PLCL2: variants seen among roughly 807,000 people sequenced by gnomAD.
The protein encoded by PLCL2 is inactive phospholipase C-like protein 2.
In PLCL2, 4 loss-of-function variants were observed where a neutral mutation model predicts 79.6. The observed-to-expected ratio is 0.05, with a 90% CI of 0.02 to 0.11. The LOEUF is 0.11. Among genes scored for constraint, PLCL2 ranks in the 10% least tolerant of loss-of-function variants. PLCL2 has a pLI of 1.00. For missense variants in PLCL2, 895 were observed against 1,291.0 expected (o/e 0.69, Z 4.70); for synonymous variants, 484 against 457.7 (o/e 1.06, Z -0.73).
intron 1 of PLCL2, among the ~76,000 whole-genome samples, chr3:16,955,666 A>G (rs1286252946): frequency 3.3e-5 from 5 of 152,090 alleles, no homozygotes. Context: ...ATGAGCATGG[A>G]ATGTTCTTCC....
chr3:16,932,776 T>C (rs1049616442), intron 1 of PLCL2, among the ~76,000 whole-genome samples: 2 of 152,194 alleles, frequency 1.3e-5, no homozygotes, highest in East Asian at 1.9e-4. Context: ...TTACAACTTA[T>C]TAGTTGTAGA....
intron 1 of PLCL2, among the ~76,000 whole-genome samples, chr3:16,916,857 C>G (rs1057513904): frequency 6.6e-6 from 1 of 152,082 alleles, no homozygotes; most frequent in Non-Finnish European, 1.5e-5. Context: ...TCTTTGGCTT[C>G]CTTCTCTCTT....
chr3:16,981,874 C>T (rs964055770), intron 1 of PLCL2, among the ~76,000 whole-genome samples: 1 of 152,196 alleles, frequency 6.6e-6, no homozygotes, highest in Non-Finnish European at 1.5e-5. Context: ...CTGACTATTG[C>T]TGTTTATTCA....
intron 1 of PLCL2, among the ~76,000 whole-genome samples, chr3:16,933,831 GC>G (rs1312678664): frequency 1.3e-5 from 2 of 152,084 alleles, no homozygotes; most frequent in African/African-American, 4.8e-5. Flanking sequence ...TCTCTTGGAG[GC>G]TGAGGGGGGC....
intron 1 of PLCL2, among the ~76,000 whole-genome samples, chr3:16,981,016 A>G (rs144374421): frequency 0.029 from 4,345 of 152,336 alleles, 228 homozygotes; most frequent in African/African-American, 0.1. Context: ...CGCGCCTGCA[A>G]TCGCAGGCAC....
In PLCL2 at chr3:16,887,413, A is replaced by G. The variant is rs1161364762; in HGVS notation, c.327+2047A>G. The stretch of plus-strand genomic sequence containing the variant: ...TTATAAAACAATTGGTTTTGGATTT[A>G]CCAGTCCCATATTTTGTTCATTGTA... On this transcript the variant is annotated intron_variant, in intron 1 of 5. Transcript: ENST00000615277. The surrounding 1 kb of genome is among the most constrained non-coding windows in gnomAD (Gnocchi z 4.1). Among the ~76,000 whole-genome samples, 4 of 152,206 alleles carry G rather than the reference A, an allele frequency of 2.6e-5. No homozygotes were observed. The highest frequency in any genetic ancestry group is 9.6e-5 in the African/African-American group (4 of 41,458).
rs569322469 is a variant in PLCL2 at position 17,039,047 on chromosome 3, C to T, written c.3019-3827C>T. ...ACTAACCTCATAATTACTCACCTCA[C>T]ATGGATAATGTGATCAGTAAATAAA... On this transcript the variant is annotated intron_variant, in intron 3 of 5. Coordinates refer to ENST00000615277, the MANE Select transcript of PLCL2 (RefSeq NM_001144382.2). Among the ~76,000 whole-genome samples, 63 of 152,338 alleles carry T rather than the reference C, an allele frequency of 4.1e-4. 1 individual carries two copies. The South Asian group carries it at 0.012, about 29-fold the overall frequency.
chr3:17,054,940 C>T lies in PLCL2; in HGVS notation c.3094+11991C>T, dbSNP rs182672892. Among the ~76,000 whole-genome samples the T allele has an allele frequency of 2.6e-5, 4 of 152,268 alleles. No individual in the cohort carries two copies. In the East Asian group the frequency reaches 5.8e-4, roughly 22 times the overall value. On this transcript the variant is annotated intron_variant, in intron 4 of 5. Coordinates refer to ENST00000615277, the MANE Select transcript of PLCL2 (RefSeq NM_001144382.2). ...ACTTGACCCTCTCTGCCTCATTTTCCTTCTTCTAAGTGGCAGTGGATTATG... is the reference window on the plus strand; with the variant it reads ...ACTTGACCCTCTCTGCCTCATTTTCTTTCTTCTAAGTGGCAGTGGATTATG...
At chr3:16,980,107 C>G (rs1238325243) in intron 1 of PLCL2, among the ~76,000 whole-genome samples, 1 of 15,508 alleles carries the variant, frequency 6.4e-5, no homozygotes. Flanking sequence ...GACCACCCCA[C>G]CTCCCTCCCG....
chr3:17,004,951 C>A (rs766423199), intron 1 of PLCL2, among the ~76,000 whole-genome samples: 6 of 152,008 alleles, frequency 3.9e-5, no homozygotes, highest in Non-Finnish European at 7.4e-5. Flanking sequence ...AGATAAATGG[C>A]TGCTTTGTTT....
intron 1 of PLCL2, among the ~76,000 whole-genome samples, chr3:16,910,547 G>T (rs1035677136): frequency 2.0e-5 from 3 of 151,978 alleles, no homozygotes; most frequent in Admixed American, 6.6e-5. Flanking sequence ...TTTGCTTGCA[G>T]CATTGGAGTG....
At position 16,931,687 on chromosome 3, in the gene PLCL2, G is replaced by T. The variant is rs182905911; in HGVS notation, c.327+46321G>T. Among the ~76,000 whole-genome samples, 354 of 152,218 alleles carry T rather than the reference G, an allele frequency of 2.3e-3. No homozygotes were observed. In the Middle Eastern group the frequency reaches 0.041, roughly 18 times the overall value. Reference sequence around the variant, plus strand: ...CCATTTATTACGTGAATGACCCCAGGCAAGTCTCTTTTTTTAAGGTTCAGT... The same window carrying T: ...CCATTTATTACGTGAATGACCCCAGTCAAGTCTCTTTTTTTAAGGTTCAGT... On this transcript the variant is annotated intron_variant, in intron 1 of 5. Coordinates refer to ENST00000615277, the MANE Select transcript of PLCL2 (RefSeq NM_001144382.2).
At chr3:17,066,484 G>A (rs559250042) in intron 4 of PLCL2, among the ~76,000 whole-genome samples, 4 of 152,312 alleles carry the variant, frequency 2.6e-5, no homozygotes, top group East Asian at 3.9e-4. Context: ...GAGTTGCTTC[G>A]AAATGGTGTT....
intron 2 of PLCL2, among the ~76,000 whole-genome samples, chr3:17,013,489 G>A (rs2064350658): frequency 6.6e-6 from 1 of 152,204 alleles, no homozygotes; most frequent in Non-Finnish European, 1.5e-5. Context: ...AGTAAGTGGT[G>A]TAATAAGAGT....
At chr3:16,987,698 T>C (rs879810277) in intron 1 of PLCL2, among the ~76,000 whole-genome samples, 9 of 152,152 alleles carry the variant, frequency 5.9e-5, no homozygotes, top group Non-Finnish European at 1.2e-4. Flanking sequence ...AAAAGTAAAC[T>C]GATCACAAGC....
intron 4 of PLCL2, among the ~76,000 whole-genome samples, chr3:17,053,600 C>T: frequency 6.6e-6 from 1 of 152,292 alleles, no homozygotes; most frequent in Non-Finnish European, 1.5e-5. Context: ...AGCATTAACT[C>T]AAAAGTCCAA....
In PLCL2 at chr3:17,010,486, A is replaced by C; in HGVS notation, c.1140A>C (p.Ile380=). 2 of 1,614,138 alleles carry C rather than the reference A, an allele frequency of 1.2e-6. No individual in the cohort carries two copies. The highest frequency in any genetic ancestry group is 8.5e-7 in the Non-Finnish European group (1 of 1,180,012). ...GTGTGGCACATATAAATGAGGAAAT[A>C]AGCCTTGAAATTATTCACAAATATG... ...EQGVAHINEE[I]SLEIIHKYEP... Residue 380 remains isoleucine (I), a synonymous_variant, in exon 2 of 6, where the codon ATA becomes ATC. Transcript: ENST00000615277. This position sits in a 1 kb window ranked among gnomAD's most constrained non-coding sequence, Gnocchi z 5.8.
intron 1 of PLCL2, among the ~76,000 whole-genome samples, chr3:16,903,532 T>G (rs950776450): frequency 1.3e-5 from 2 of 152,188 alleles, no homozygotes; most frequent in Non-Finnish European, 2.9e-5. Context: ...AAATTTTACT[T>G]TCATTGCTCA....
At chr3:16,971,081 T>C (rs2063860692) in intron 1 of PLCL2, among the ~76,000 whole-genome samples, 1 of 151,636 alleles carries the variant, frequency 6.6e-6, no homozygotes, top group South Asian at 2.1e-4. Context: ...ATCCCATTTG[T>C]CAATTTTGGC....
Sources: allele counts gnomAD v4.1 joint callset (sites outside exome capture counted in the v4.1 genomes callset), GRCh38; gene constraint gnomAD v4.1.1; non-coding constraint Gnocchi (gnomAD v3.1); transcripts MANE v1.5; gene names NCBI Gene and HGNC (gene_info 2026-07-23, HGNC 2026-07-21).